The following TMEM223 variants were observed in gnomAD, a reference collection of about 807,000 sequenced individuals.
The protein encoded by TMEM223 is transmembrane protein 223.
TMEM223 carries 14 observed loss-of-function variants against 14.1 expected under a neutral mutation model. The observed-to-expected ratio is 0.99, with a 90% CI of 0.66 to 1.55. The LOEUF is 1.55. TMEM223 is among the 40% of genes most tolerant of loss of function. The pLI is 0.00. For missense variants in TMEM223, 346 were observed against 269.9 expected (o/e 1.28, Z -1.97); for synonymous variants, 145 against 120.5 (o/e 1.20, Z -1.33).
chr11:62,776,329 C>A, intron 1 of TMEM223: 1 of 1,585,140 alleles, frequency 6.3e-7, no homozygotes, highest in Non-Finnish European at 8.7e-7. Flanking sequence ...TTTGGGGTTT[C>A]CCATGCCCCC....
downstream of TMEM223, among the ~76,000 whole-genome samples, chr11:62,788,594 C>T (rs566795399): frequency 4.0e-4 from 60 of 150,848 alleles, no homozygotes; most frequent in African/African-American, 1.5e-3. Flanking sequence ...GTCCCAGCTA[C>T]TCAGGAGGCT....
At chr11:62,787,769 C>A, downstream of TMEM223, 1 of 690,400 alleles carries the variant, frequency 1.4e-6, no homozygotes, top group Non-Finnish European at 2.6e-6. Flanking sequence ...CGTCTTAAAG[C>A]ACTAGGTGGA....
At position 62,790,895 on chromosome 11, in the gene TMEM223, C is replaced by G. The variant is rs772762782; in HGVS notation, c.337G>C (p.Gly113Arg). 1 of 1,591,270 alleles carries G rather than the reference C, an allele frequency of 6.3e-7. No individual in the cohort carries two copies. Among genetic ancestry groups the G allele is most frequent in the African/African-American group, 1.3e-5 (1 of 74,404 alleles). The change falls in exon 2 of 2, where the codon GGT becomes CGT. Residue 113 changes from glycine to arginine, a missense_variant. By Grantham distance (125) the Gly-to-Arg change is moderately radical. Coordinates refer to ENST00000307366, the MANE Select transcript of TMEM223 (RefSeq NM_001080501.3). ...ACAGACCGGAGAGAGAAGAGAAGAC[C>G]AGCACCGAGTACGAGGGCTCCTGCA... The part of the protein sequence containing the change: ...GAIGALVLGA[G>R]LLFSLRSVRS...
At chr11:62,772,546 G>C (rs565378776) in intron 2 of TMEM223, among the ~76,000 whole-genome samples, 1 of 146,324 alleles carries the variant, frequency 6.8e-6, no homozygotes, top group African/African-American at 2.5e-5. Context: ...AAAGCTCGTC[G>C]GGCCAGGTGC....
chr11:62,790,945 G>A (rs1375473771), intron 1 of TMEM223, 30 bp from the exon 2 acceptor site: 1 of 1,504,972 alleles, frequency 6.6e-7, no homozygotes, highest in African/African-American at 1.4e-5. Flanking sequence ...TGGGGTGAGG[G>A]GTTTTCACTG....
Position 62,791,829 on chromosome 11 carries a change from C to G in TMEM223, c.166G>C (p.Gly56Arg). ...TILGLFCAGQ[G>R]VFWASMAVAA... Reference sequence around the variant, plus strand: ...ACAGCCATGGAAGCCCAGAAGACGCCCTGGCCCGCGCAGAACAGCCCGAGG... The same window carrying G: ...ACAGCCATGGAAGCCCAGAAGACGCGCTGGCCCGCGCAGAACAGCCCGAGG... Residue 56 changes from glycine (G) to arginine (R), a missense_variant, in exon 1 of 2, where the codon GGC becomes CGC. Transcript: ENST00000307366. The G allele has an allele frequency of 6.3e-7, 1 of 1,588,306 alleles. No homozygotes were observed. The highest frequency in any genetic ancestry group is 8.6e-7 in the Non-Finnish European group (1 of 1,168,198).
chr11:62,782,556 AC>A, downstream of TMEM223: 1 of 1,303,096 alleles, frequency 7.7e-7, no homozygotes, highest in Non-Finnish European at 1.1e-6. Context: ...TAGGCCAGTC[AC>A]CCCTGGCAGC....
downstream of TMEM223, chr11:62,788,911 A>G (rs2084324278): frequency 4.1e-6 from 5 of 1,233,038 alleles, no homozygotes; most frequent in East Asian, 1.2e-4. Context: ...ACGGTGCACA[A>G]ATAACTTCCT....
intron 1 of TMEM223, among the ~76,000 whole-genome samples, chr11:62,779,277 C>T (rs971090048): frequency 6.6e-6 from 1 of 152,150 alleles, no homozygotes; most frequent in African/African-American, 2.4e-5. Flanking sequence ...TCACTGCAAG[C>T]TCCGTCTCCT....
At chr11:62,778,024 C>T (rs1565187596) in intron 1 of TMEM223, 1 of 1,614,202 alleles carries the variant, frequency 6.2e-7, no homozygotes, top group Non-Finnish European at 8.5e-7. Context: ...ATGCGCCCCG[C>T]CAGGGAGGGT....
chr11:62,785,070 T>C (rs2084260061), downstream of TMEM223, among the ~76,000 whole-genome samples: 1 of 152,110 alleles, frequency 6.6e-6, no homozygotes, highest in African/African-American at 2.4e-5. Context: ...CTCAAACTCC[T>C]TGGTTTAAGT....
downstream of TMEM223, chr11:62,789,587 C>T (rs974727758): frequency 1.3e-6 from 2 of 1,550,276 alleles, no homozygotes; most frequent in South Asian, 1.3e-5. Flanking sequence ...ACAACTGTCT[C>T]TTTGACCTCA....
downstream of TMEM223, chr11:62,787,213 C>T: frequency 1.3e-6 from 2 of 1,587,952 alleles, no homozygotes; most frequent in Middle Eastern, 3.3e-4. Context: ...GCGCTACGTG[C>T]AGAAACTGCC....
downstream of TMEM223, chr11:62,787,985 G>A: frequency 2.1e-6 from 1 of 465,854 alleles, no homozygotes; most frequent in South Asian, 1.5e-5. Flanking sequence ...AGAAAACGCT[G>A]ACGTAAAGGT....
At chr11:62,782,941 G>A (rs945168269), downstream of TMEM223, 6 of 1,457,432 alleles carry the variant, frequency 4.1e-6, no homozygotes, top group Non-Finnish European at 5.5e-6. Flanking sequence ...CATGTATTGA[G>A]TTCTGGCCTT....
chr11:62,791,076 G>A (rs1261512803), intron 1 of TMEM223, among the ~76,000 whole-genome samples, 161 bp from the exon 2 acceptor site: 1 of 152,044 alleles, frequency 6.6e-6, no homozygotes, highest in African/African-American at 2.4e-5. Context: ...AGGCTGGAGT[G>A]CAGTACTGAG....
chr11:62,784,846 A>C (rs1016164591), downstream of TMEM223, among the ~76,000 whole-genome samples: 30 of 152,186 alleles, frequency 2.0e-4, no homozygotes, highest in Admixed American at 2.0e-3. Flanking sequence ...GGGTCTGCTA[A>C]ATTTTAAAAG....
At chr11:62,786,667 A>C, downstream of TMEM223, 1 of 1,611,636 alleles carries the variant, frequency 6.2e-7, no homozygotes, top group Non-Finnish European at 8.5e-7. Context: ...TGCAGAACCC[A>C]GCTTTGGGTC....
chr11:62,784,596 G>A (rs1025371123), downstream of TMEM223, among the ~76,000 whole-genome samples: 4 of 152,002 alleles, frequency 2.6e-5, no homozygotes, highest in South Asian at 6.2e-4. Flanking sequence ...GTGAGCCACC[G>A]TGCCTGGCCT....
Sources: gnomAD v4.1 joint callset for allele counts (sites outside exome capture counted in the v4.1 genomes callset) on GRCh38, gnomAD v4.1.1 for gene constraint, MANE v1.5 for transcripts, NCBI Gene and HGNC (gene_info 2026-07-23, HGNC 2026-07-21) for gene names.